LRRC27: variants seen among roughly 807,000 people sequenced by gnomAD.
The protein encoded by LRRC27 is leucine-rich repeat-containing protein 27.
LRRC27 carries 57 observed loss-of-function variants against 55.0 expected under a neutral mutation model. That is an observed-to-expected ratio of 1.04 (90% CI 0.84 to 1.29). The LOEUF (loss-of-function observed/expected upper bound fraction) is 1.29, where lower values mean the gene tolerates loss of function less well. Among genes scored for constraint, LRRC27 ranks in the 50% most tolerant of loss-of-function variants. The pLI is 0.00. For synonymous variants in LRRC27, 278 were observed against 251.9 expected (o/e 1.10, Z -0.98); for missense variants, 721 against 651.5 (o/e 1.11, Z -1.16).
intron 5 of LRRC27, among the ~76,000 whole-genome samples, chr10:132,347,570 T>C (rs1590643413): frequency 1.3e-5 from 2 of 148,314 alleles, no homozygotes; most frequent in Non-Finnish European, 3.0e-5. Flanking sequence ...GAGTCAGGTG[T>C]GCTCGGTGGG....
chr10:132,367,039 C>T, intron 10 of LRRC27: 1 of 1,101,390 alleles, frequency 9.1e-7, no homozygotes, highest in South Asian at 1.9e-5. Context: ...CTTGGACACC[C>T]AAACCCTGCC....
intron 9 of LRRC27, among the ~76,000 whole-genome samples, chr10:132,362,197 C>T (rs1230526611): frequency 3.3e-5 from 5 of 152,082 alleles, no homozygotes; most frequent in South Asian, 2.1e-4. Context: ...GGCCAGGGGG[C>T]GGCCAGGCTG....
chr10:132,359,375 T>G (rs1465461564), intron 8 of LRRC27, among the ~76,000 whole-genome samples: 1 of 152,192 alleles, frequency 6.6e-6, no homozygotes, highest in African/African-American at 2.4e-5. Flanking sequence ...TAAATACAAC[T>G]CCAGTTTCCA....
In LRRC27 at chr10:132,374,555, T is replaced by C. The variant is rs2069299965; in HGVS notation, c.1417-511T>C. Reference sequence around the variant, plus strand: ...CTGGTTTCACGCTCAGCAAGTTCCTTCTCCTGTAGGAACCCCTGATCCACA... The same window carrying C: ...CTGGTTTCACGCTCAGCAAGTTCCTCCTCCTGTAGGAACCCCTGATCCACA... On this transcript the variant is annotated intron_variant, in intron 10 of 10. Coordinates refer to ENST00000368614, the MANE Select transcript of LRRC27 (RefSeq NM_030626.3). This position sits in a 1 kb window ranked among gnomAD's most constrained non-coding sequence, Gnocchi z 4.4. 6.6e-6 allele frequency among the ~76,000 whole-genome samples: 1 copy of C among 152,188 alleles called. No homozygotes were observed. Among genetic ancestry groups the C allele is most frequent in the African/African-American group, 2.4e-5 (1 of 41,454 alleles).
chr10:132,337,662 T>C lies in LRRC27; in HGVS notation c.308T>C (p.Ile103Thr), dbSNP rs145311001. 1.2e-6 allele frequency: 2 copies of C among 1,614,072 alleles called. No homozygotes were observed. The highest frequency in any genetic ancestry group is 2.7e-5 in the African/African-American group (2 of 74,934). ...TGGCTGGACCTCCGGTACAATAGAA[T>C]TAAAGCGCTTCCTTCTGGGATTGGA... ...LTWLDLRYNRIKALPSGIGAH... is the reference protein window; with the variant it reads ...LTWLDLRYNRTKALPSGIGAH... The change falls in exon 3 of 11, where the codon ATT (isoleucine) becomes ACT (threonine). Residue 103 changes from isoleucine (I) to threonine (T), a missense_variant. By Grantham distance (89) the Ile-to-Thr change is moderately conservative (BLOSUM62 -1). Transcript: ENST00000368614.
In LRRC27 at chr10:132,348,177, C is replaced by A. The variant is rs1250191118; in HGVS notation, c.747C>A (p.Ser249=). 5.0e-6 allele frequency: 8 copies of A among 1,614,100 alleles called. No individual in the cohort carries two copies. Among genetic ancestry groups the A allele is most frequent in the Non-Finnish European group, 5.9e-6 (7 of 1,180,046 alleles). The change falls in exon 6 of 11, where the codon TCC becomes TCA. Residue 249 remains serine, a synonymous_variant. Coordinates refer to ENST00000368614, the MANE Select transcript of LRRC27 (RefSeq NM_030626.3). The surrounding 1 kb of genome is among the most constrained non-coding windows in gnomAD (Gnocchi z 4.2). ...DLSELRKSAD[S]SENWPSEEEI... ...GTGAACTCAGGAAGTCTGCGGACTCCTCAGAGAACTGGCCCAGCGAGGAGG... is the reference window on the plus strand; with the variant it reads ...GTGAACTCAGGAAGTCTGCGGACTCATCAGAGAACTGGCCCAGCGAGGAGG...
chr10:132,341,602 G>A (rs538490095), intron 3 of LRRC27, among the ~76,000 whole-genome samples: 3 of 152,204 alleles, frequency 2.0e-5, no homozygotes, highest in East Asian at 3.9e-4. Flanking sequence ...ATGCCTTCCC[G>A]AAATGCTGCC....
At chr10:132,334,266 C>A (rs974290845) in intron 2 of LRRC27, among the ~76,000 whole-genome samples, 1 of 152,214 alleles carries the variant, frequency 6.6e-6, no homozygotes, top group African/African-American at 2.4e-5. Context: ...CTTGTCCCTG[C>A]TGGGACTCAC....
chr10:132,361,662 A>G (rs1338838422), intron 9 of LRRC27, 87 bp downstream of exon 9: 6 of 960,482 alleles, frequency 6.2e-6, no homozygotes, highest in South Asian at 4.0e-5. Flanking sequence ...ATGAGCATGC[A>G]CTGAGGAGCC....
rs2067856864 is a variant in LRRC27 at position 132,348,872 on chromosome 10, G to A, written c.926+516G>A. 4.9e-6 allele frequency: 4 copies of A among 824,734 alleles called. No homozygotes were observed. The highest frequency in any genetic ancestry group is 1.5e-5 in the South Asian group (1 of 64,680). 51.1% of individuals were successfully genotyped at this position (824,734 alleles called of 1,614,324 possible). ...GCAGCTGCCTGGGGACAAAAGGAAG[G>A]CAGTCATTGTGTGGCCCACTTCCAA... On this transcript the variant is annotated intron_variant, in intron 6 of 10. Coordinates refer to ENST00000368614, the MANE Select transcript of LRRC27 (RefSeq NM_030626.3). The surrounding 1 kb of genome is among the most constrained non-coding windows in gnomAD (Gnocchi z 4.2).
intron 1 of LRRC27, among the ~76,000 whole-genome samples, chr10:132,332,983 G>T (rs143827880): frequency 9.2e-5 from 14 of 152,310 alleles, no homozygotes; most frequent in Non-Finnish European, 1.8e-4. Flanking sequence ...TTTTTCCCCG[G>T]TGCTTAACTG....
At chr10:132,356,065 T>G (rs1343529948) in intron 8 of LRRC27, among the ~76,000 whole-genome samples, 179 bp downstream of exon 8, 1 of 150,964 alleles carries the variant, frequency 6.6e-6, no homozygotes, top group Non-Finnish European at 1.5e-5. Context: ...CTGTGCAGGC[T>G]GCTGGCTGGT....
chr10:132,344,873 A>G (rs1324885893), intron 5 of LRRC27: 2 of 438,848 alleles, frequency 4.6e-6, no homozygotes, highest in Admixed American at 3.5e-5. Flanking sequence ...TCCTGGCTCA[A>G]GTGGATTTTG....
chr10:132,373,961 T>C (rs1434165475), intron 10 of LRRC27, among the ~76,000 whole-genome samples: 5 of 152,222 alleles, frequency 3.3e-5, no homozygotes, highest in African/African-American at 7.2e-5. Flanking sequence ...CAATGACTAC[T>C]TACTGGGTCA....
chr10:132,378,500 T>G lies in LRRC27; in HGVS notation c.*3258T>G, dbSNP rs574892053. 4 of 152,340 alleles carry G rather than the reference T, an allele frequency of 2.6e-5. No homozygotes were observed. Among genetic ancestry groups the G allele is most frequent in the African/African-American group, 4.8e-5 (2 of 41,552 alleles). The allele number at this position is 152,340 out of a possible 1,614,324, so 9.4% of individuals were successfully genotyped here. On this transcript the variant is annotated 3_prime_UTR_variant, in exon 11 of 11. Coordinates refer to ENST00000368614, the MANE Select transcript of LRRC27 (RefSeq NM_030626.3). Reference sequence around the variant, plus strand: ...GTGTATGCATTCGTGCGTACGAGTGTGTGCATGTGTGCGCCCGTGTGTATG... The same window carrying G: ...GTGTATGCATTCGTGCGTACGAGTGGGTGCATGTGTGCGCCCGTGTGTATG...
At chr10:132,367,157 T>A (rs978397407) in intron 10 of LRRC27, among the ~76,000 whole-genome samples, 1 of 152,218 alleles carries the variant, frequency 6.6e-6, no homozygotes, top group South Asian at 2.1e-4. Context: ...ATAAATTTAG[T>A]GAAATAGATT....
chr10:132,355,605 G>A (rs944768520), intron 7 of LRRC27, among the ~76,000 whole-genome samples, 185 bp from the exon 8 acceptor site: 7 of 152,174 alleles, frequency 4.6e-5, no homozygotes, highest in Admixed American at 6.5e-5. Flanking sequence ...CGGCATTCCC[G>A]GCTCTGCCCA....
chr10:132,353,209 G>A (rs928633921), intron 7 of LRRC27: 27 of 1,361,488 alleles, frequency 2.0e-5, no homozygotes, highest in Admixed American at 3.1e-5. Context: ...TTACTTTCCC[G>A]GCTTCTTTGT....
chr10:132,365,509 C>G lies in LRRC27; in HGVS notation c.1375C>G (p.Pro459Ala). ...REQRRFHGQA[P>A]LEEMRKAAED... ...GCAAAGAAGATTCCATGGCCAGGCC[C>G]CACTGGAGGAGATGAGGAAGGCTGC... is the stretch of plus-strand genomic sequence containing the variant. Residue 459 changes from proline to alanine, a missense_variant, in exon 10 of 11, where the codon CCA becomes GCA. Pro to Ala is a conservative substitution (Grantham distance 27). Transcript: ENST00000368614. 6.2e-7 allele frequency: 1 copy of G among 1,613,652 alleles called. No homozygotes were observed. Among genetic ancestry groups the G allele is most frequent in the South Asian group, 1.1e-5 (1 of 91,084 alleles).
Sources: allele counts gnomAD v4.1 joint callset (sites outside exome capture counted in the v4.1 genomes callset), GRCh38; gene constraint gnomAD v4.1.1; non-coding constraint Gnocchi (gnomAD v3.1); transcripts MANE v1.5; gene names NCBI Gene and HGNC (gene_info 2026-07-23, HGNC 2026-07-21).